The following DOCK1 variants were observed in gnomAD, a reference collection of about 807,000 sequenced individuals.
DOCK1 encodes the protein dedicator of cytokinesis protein 1.
DOCK1 carries 138 observed loss-of-function variants against 262.7 expected under a neutral mutation model. That is an observed-to-expected ratio of 0.53 (90% CI 0.46 to 0.61). DOCK1 has a LOEUF of 0.61. Among genes scored for constraint, DOCK1 ranks in the 20% least tolerant of loss-of-function variants. The pLI, the probability that DOCK1 is intolerant of heterozygous loss-of-function variation, is 0.00. For missense variants in DOCK1, 1,908 were observed against 2,370.7 expected, an observed-to-expected ratio of 0.80 and a Z score of 4.05; for synonymous variants, 866 against 867.4, an observed-to-expected ratio of 1.00 and a Z score of 0.03.
chr10:127,305,482 G>C (rs1268769773), intron 29 of DOCK1, among the ~76,000 whole-genome samples: 1 of 152,098 alleles, frequency 6.6e-6, no homozygotes, highest in Non-Finnish European at 1.5e-5. Context: ...CACATTGCTG[G>C]ACCTTAAGGG....
chr10:127,101,215 G>C (rs551019463), intron 23 of DOCK1, among the ~76,000 whole-genome samples: 1 of 151,976 alleles, frequency 6.6e-6, no homozygotes, highest in Non-Finnish European at 1.5e-5. Flanking sequence ...TCTGAAGGAG[G>C]TGGTGACATG....
intron 23 of DOCK1, among the ~76,000 whole-genome samples, chr10:127,087,111 A>T (rs2047244493): frequency 6.6e-6 from 1 of 152,174 alleles, no homozygotes. Context: ...TGGAAGGAAA[A>T]GCACTCTGCA....
chr10:127,170,907 T>G (rs1405490960), intron 27 of DOCK1, among the ~76,000 whole-genome samples: 1 of 152,208 alleles, frequency 6.6e-6, no homozygotes, highest in Non-Finnish European at 1.5e-5. Context: ...AGCAGAGTGA[T>G]TTTAGTGAAT....
intron 1 of DOCK1, among the ~76,000 whole-genome samples, chr10:126,937,169 C>G (rs1229822013): frequency 1.3e-5 from 2 of 152,164 alleles, no homozygotes; most frequent in African/African-American, 2.4e-5. Context: ...TCGTAATTTC[C>G]TTTCTTTGTA....
intron 30 of DOCK1, among the ~76,000 whole-genome samples, chr10:127,340,331 A>G (rs1242042293): frequency 1.3e-5 from 2 of 152,150 alleles, no homozygotes; most frequent in Admixed American, 1.3e-4. Context: ...CTCTGCAGGG[A>G]TAACTTTTAA....
chr10:127,123,219 A>G (rs2049725387), intron 25 of DOCK1, among the ~76,000 whole-genome samples: 1 of 152,254 alleles, frequency 6.6e-6, no homozygotes, highest in African/African-American at 2.4e-5. Flanking sequence ...AGGGGCTGTC[A>G]TTACCTGCTC....
At chr10:127,134,440 G>T (rs1329095027) in intron 27 of DOCK1, among the ~76,000 whole-genome samples, 1 of 152,154 alleles carries the variant, frequency 6.6e-6, no homozygotes, top group African/African-American at 2.4e-5. Flanking sequence ...AGGTAGCAAG[G>T]TTTTCCCATA....
At chr10:127,164,413 C>T (rs1564857240) in intron 27 of DOCK1, among the ~76,000 whole-genome samples, 1 of 151,980 alleles carries the variant, frequency 6.6e-6, no homozygotes, top group Non-Finnish European at 1.5e-5. Context: ...AAACTCCTGA[C>T]CTCAGGTGAT....
chr10:127,339,947 T>C (rs904757905), intron 30 of DOCK1, among the ~76,000 whole-genome samples: 2 of 152,186 alleles, frequency 1.3e-5, no homozygotes, highest in African/African-American at 4.8e-5. Flanking sequence ...GATGATTCAC[T>C]CTCTCAAAAG....
At chr10:127,048,413 A>T (rs558717346) in intron 21 of DOCK1, among the ~76,000 whole-genome samples, 1 of 151,046 alleles carries the variant, frequency 6.6e-6, no homozygotes, top group East Asian at 1.9e-4. Flanking sequence ...AAATATATGT[A>T]TTTTTTTTTG....
intron 4 of DOCK1, among the ~76,000 whole-genome samples, chr10:126,983,573 G>T (rs1353915916): frequency 1.3e-5 from 2 of 152,110 alleles, no homozygotes; most frequent in African/African-American, 2.4e-5. Flanking sequence ...TCTCTTTCTT[G>T]CATGAGCTCT....
At chr10:127,089,610 G>T (rs1179573236) in intron 23 of DOCK1, among the ~76,000 whole-genome samples, 1 of 152,194 alleles carries the variant, frequency 6.6e-6, no homozygotes, top group East Asian at 1.9e-4. Context: ...CCTGCCCACT[G>T]CCCCTGGCCA....
chr10:127,346,441 C>G (rs10829788), intron 31 of DOCK1, among the ~76,000 whole-genome samples: 63,798 of 151,924 alleles, frequency 0.42, 14,004 homozygotes, highest in Middle Eastern at 0.54. Context: ...ACAAAAAATA[C>G]AAAAATTAGC....
At chr10:127,439,341 A>T in intron 49 of DOCK1, 116 bp downstream of exon 49, 4 of 1,119,148 alleles carry the variant, frequency 3.6e-6, no homozygotes, top group South Asian at 1.6e-5. Context: ...ATAAATTAGC[A>T]ACTCAGAAAC....
intron 27 of DOCK1, among the ~76,000 whole-genome samples, chr10:127,205,342 A>G (rs528798006): frequency 6.6e-6 from 1 of 152,316 alleles, no homozygotes; most frequent in South Asian, 2.1e-4. Context: ...GAAGGAGTGC[A>G]GCTTCTGGCC....
chr10:126,980,979 G>A (rs1480390565), intron 3 of DOCK1, among the ~76,000 whole-genome samples: 1 of 140,826 alleles, frequency 7.1e-6, no homozygotes. Flanking sequence ...GCGGAGTCTC[G>A]CTCTGTCGCC....
At chr10:127,034,454 A>G (rs942280949) in intron 18 of DOCK1, among the ~76,000 whole-genome samples, 11 of 152,172 alleles carry the variant, frequency 7.2e-5, no homozygotes, top group African/African-American at 2.7e-4. Context: ...AACACGTGGG[A>G]ATTCAAGATA....
intron 43 of DOCK1, among the ~76,000 whole-genome samples, chr10:127,414,640 C>T (rs2134428205): frequency 6.6e-6 from 1 of 152,258 alleles, no homozygotes; most frequent in East Asian, 1.9e-4. Flanking sequence ...TTTATGTTCT[C>T]ATATAAACAT....
In DOCK1 at chr10:127,064,376, G is replaced by A. The variant is rs150642953; in HGVS notation, c.2445+2600G>A. 5.0e-3 allele frequency among the ~76,000 whole-genome samples: 754 copies of A among 152,300 alleles called. 5 individuals carry two copies. Among genetic ancestry groups the A allele is most frequent in the African/African-American group, 0.017 (725 of 41,552 alleles). ...ATTAGAGTCAGCCACGGGGTTTTAC[G>A]CCTCATTGAAGAGGGAGGGCAGGAG... On this transcript the variant is annotated intron_variant, in intron 23 of 51. Coordinates refer to ENST00000623213, the MANE Select transcript of DOCK1 (RefSeq NM_001290223.2).
Sources: gnomAD v4.1 joint callset for allele counts (sites outside exome capture counted in the v4.1 genomes callset) on GRCh38, gnomAD v4.1.1 for gene constraint, MANE v1.5 for transcripts, NCBI Gene and HGNC (gene_info 2026-07-23, HGNC 2026-07-21) for gene names.